Variants in OR14A16 observed in about 807,000 individuals in gnomAD.
OR14A16 encodes olfactory receptor family 14 subfamily A member 16, also known as olfactory receptor 14A16.
For missense variants in OR14A16, 341 were observed against 366.5 expected (o/e 0.93, Z 0.57); for synonymous variants, 135 against 137.6 (o/e 0.98, Z 0.13).
intron 1 of OR14A16, among the ~76,000 whole-genome samples, chr1:247,822,671 T>C (rs575864173): frequency 7.0e-4 from 107 of 152,326 alleles, no homozygotes; most frequent in African/African-American, 2.5e-3. Context: ...ATATATCCTA[T>C]TGGTTATGCT....
At chr1:247,816,942 C>A (rs1216804601) in intron 2 of OR14A16, among the ~76,000 whole-genome samples, 2 of 152,002 alleles carry the variant, frequency 1.3e-5, no homozygotes, top group Non-Finnish European at 2.9e-5. Context: ...GTTTTTATGT[C>A]CACTGCTTTC....
At chr1:247,821,973 G>T (rs1410779174) in intron 1 of OR14A16, among the ~76,000 whole-genome samples, 1 of 151,924 alleles carries the variant, frequency 6.6e-6, no homozygotes, top group African/African-American at 2.4e-5. Flanking sequence ...CTTATAACAG[G>T]CTATTTTAAG....
intron 2 of OR14A16, among the ~76,000 whole-genome samples, chr1:247,816,120 C>T (rs1403643204): frequency 6.6e-6 from 1 of 152,192 alleles, no homozygotes; most frequent in Non-Finnish European, 1.5e-5. Flanking sequence ...ATGGCTACTA[C>T]ATTGTACCAT....
At chr1:247,821,401 C>T (rs1662738229) in intron 1 of OR14A16, among the ~76,000 whole-genome samples, 1 of 152,156 alleles carries the variant, frequency 6.6e-6, no homozygotes, top group Non-Finnish European at 1.5e-5. Context: ...CACTATCTCT[C>T]TTTTCAGATA....
rs1261731191 is a variant in OR14A16, at chr1:247,815,047, G to A, written c.683C>T (p.Ser228Phe). The A allele has an allele frequency of 6.2e-7, 1 of 1,613,690 alleles. No homozygotes were observed. The highest frequency in any genetic ancestry group is 8.5e-7 in the Non-Finnish European group (1 of 1,179,626). The part of the protein sequence containing the change: ...HVFSTVKKIP[S>F]TEGQSKAYSI... ...GTAGGCTTTTGACTGGCCTTCTGTG[G>A]AAGGGATCTTCTTGACTGTAGAGAA... The change falls in exon 3 of 3, where the codon TCC becomes TTC. Residue 228 changes from serine (S) to phenylalanine (F), a missense_variant. Physicochemically the swap from Ser to Phe is radical, Grantham distance 155. Coordinates refer to ENST00000641093, the MANE Select transcript of OR14A16 (RefSeq NM_001001966.2).
chr1:247,820,319 T>C (rs1376483791), intron 1 of OR14A16, among the ~76,000 whole-genome samples: 1 of 152,142 alleles, frequency 6.6e-6, no homozygotes, highest in African/African-American at 2.4e-5. Flanking sequence ...TCTTTAAAGA[T>C]TTGATAGAAT....
In OR14A16 at chr1:247,815,018, T is replaced by G. The variant is rs745335329; in HGVS notation, c.712A>C (p.Ile238Leu). ...STEGQSKAYS[I>L]CLPHLLVVLF... ...ACAACCAGCAAGTGTGGAAGGCAAATAGAGTAGGCTTTTGACTGGCCTTCT... is the reference window on the plus strand; with the variant it reads ...ACAACCAGCAAGTGTGGAAGGCAAAGAGAGTAGGCTTTTGACTGGCCTTCT... Residue 238 changes from isoleucine to leucine, a missense_variant, in exon 3 of 3, where the codon ATT becomes CTT. Physicochemically the swap from Ile to Leu is conservative, Grantham distance 5 (BLOSUM62 2). Transcript: ENST00000641093. The G allele has an allele frequency of 2.5e-6, 4 of 1,613,668 alleles. No homozygotes were observed. The South Asian group carries it at 3.3e-5, about 13-fold the overall frequency.
At position 247,815,666 on chromosome 1, in the gene OR14A16, A is replaced by G; in HGVS notation, c.64T>C (p.Cys22Arg). 4 of 1,611,450 alleles carry G rather than the reference A, an allele frequency of 2.5e-6. No homozygotes were observed. The highest frequency in any genetic ancestry group is 3.4e-6 in the Non-Finnish European group (4 of 1,177,810). Reference sequence around the variant, plus strand: ...AAGAAGAGAATCGAATGCAAAATGCACATATTTTTATTGGTAGAAAACCCC... The same window carrying G: ...AAGAAGAGAATCGAATGCAAAATGCGCATATTTTTATTGGTAGAAAACCCC... ...LMGFSTNKNM[C>R]ILHSILFLLI... Residue 22 changes from cysteine (C) to arginine (R), a missense_variant, in exon 3 of 3, where the codon TGC becomes CGC. Physicochemically the swap from Cys to Arg is radical, Grantham distance 180. Transcript: ENST00000641093.
intron 1 of OR14A16, among the ~76,000 whole-genome samples, chr1:247,819,565 ATTTAT>A (rs1172097422): frequency 2.0e-5 from 3 of 152,136 alleles, no homozygotes; most frequent in African/African-American, 7.2e-5. Context: ...CTTATTATCT[ATTTAT>A]TTTATTGTAT....
Position 247,815,286 on chromosome 1 carries a change from C to T in OR14A16, c.444G>A (p.Leu148=). The T allele has an allele frequency of 6.2e-7, 1 of 1,614,104 alleles. No homozygotes were observed. The highest frequency in any genetic ancestry group is 2.2e-5 in the East Asian group (1 of 44,890). Residue 148 remains leucine (L), a synonymous_variant, in exon 3 of 3, where the codon CTG becomes CTA. Coordinates refer to ENST00000641093, the MANE Select transcript of OR14A16 (RefSeq NM_001001966.2). ...GCATCACAGCAATCAGACCCCCATA[C>T]AGCCAAGACACAGTGGCTCTTTGGA... ...TCVQRATVSW[L]YGGLIAVMHT...
chr1:247,814,887 G>T lies in OR14A16; in HGVS notation c.843C>A (p.Thr281=). Reference sequence around the variant, plus strand: ...TCAAACTGTATATAATGGGATTAAAGGTTGGGGGCAGCATAGTGTAGAACA... The same window carrying T: ...TCAAACTGTATATAATGGGATTAAATGTTGGGGGCAGCATAGTGTAGAACA... ...ISVFYTMLPP[T]FNPIIYSLRN... Residue 281 remains threonine, a synonymous_variant, in exon 3 of 3, where the codon ACC becomes ACA. Transcript: ENST00000641093. 1 of 1,613,926 alleles carries T rather than the reference G, an allele frequency of 6.2e-7. No homozygotes were observed. The highest frequency in any genetic ancestry group is 8.5e-7 in the Non-Finnish European group (1 of 1,179,934).
At position 247,815,465 on chromosome 1, in the gene OR14A16, A is replaced by G. The variant is rs762792975; in HGVS notation, c.265T>C (p.Ser89Pro). ...SIANSLIHNN[S>P]ISFLGCVSQV... ...GAAACACAGCCAAGGAATGAAATGG[A>G]GTTGTTGTGTATCAAAGAATTGGCG... Residue 89 changes from serine (S) to proline (P), a missense_variant, in exon 3 of 3, where the codon TCC (serine) becomes CCC (proline). Coordinates refer to ENST00000641093, the MANE Select transcript of OR14A16 (RefSeq NM_001001966.2). 2 of 1,614,040 alleles carry G rather than the reference A, an allele frequency of 1.2e-6. No individual in the cohort carries two copies. Among genetic ancestry groups the G allele is most frequent in the East Asian group, 4.5e-5 (2 of 44,884 alleles).
At chr1:247,818,381 G>A (rs892378845) in intron 2 of OR14A16, among the ~76,000 whole-genome samples, 1 of 152,182 alleles carries the variant, frequency 6.6e-6, no homozygotes, top group Non-Finnish European at 1.5e-5. Flanking sequence ...CAATCCCATT[G>A]CTAGGTATAT....
rs1268687790 is a variant in OR14A16, at chr1:247,815,356, C to T, written c.374G>A (p.Cys125Tyr). ...GATGACATCATAGTGCAGAGGGTGA[C>T]ATATAGCAGTATAGCGGTCAAAGGA... ...VMSFDRYTAICHPLHYDVIMD... is the reference protein window; with the variant it reads ...VMSFDRYTAIYHPLHYDVIMD... The change falls in exon 3 of 3, where the codon TGT (cysteine) becomes TAT (tyrosine). Residue 125 changes from cysteine to tyrosine, a missense_variant. Cys to Tyr is a radical substitution (Grantham distance 194, BLOSUM62 -2). Coordinates refer to ENST00000641093, the MANE Select transcript of OR14A16 (RefSeq NM_001001966.2). 2 of 1,613,918 alleles carry T rather than the reference C, an allele frequency of 1.2e-6. No homozygotes were observed. Among genetic ancestry groups the T allele is most frequent in the Middle Eastern group, 1.6e-4 (1 of 6,062 alleles).
At chr1:247,821,866 A>G (rs933194631) in intron 1 of OR14A16, among the ~76,000 whole-genome samples, 1 of 113,974 alleles carries the variant, frequency 8.8e-6, no homozygotes, top group African/African-American at 2.8e-5. Flanking sequence ...GATTTTCTCT[A>G]GTGGTGTGCC....
Position 247,815,531 on chromosome 1 carries a change from AG to A in OR14A16, c.198del (p.Leu67TrpfsTer18). 6.2e-7 allele frequency: 1 copy of A among 1,614,124 alleles called. No homozygotes were observed. Among genetic ancestry groups the A allele is most frequent in the African/African-American group, 1.3e-5 (1 of 75,066 alleles). Reference sequence around the variant, plus strand: ...GTGACTGAAATAAGGCAGAGATCCAAGAAAGATAGATTCTTCAAGAAGAAAT... The same window carrying A: ...GTGACTGAAATAAGGCAGAGATCCAAAAAGATAGATTCTTCAAGAAGAAAT... ...PVYFFLKNLSFLDLCLISVTA... is the reference protein window; with the variant it reads ...PVYFFLKNLSXLDLCLISVTA... On this transcript the variant is annotated frameshift_variant, in exon 3 of 3. Coordinates refer to ENST00000641093, the MANE Select transcript of OR14A16 (RefSeq NM_001001966.2). LOFTEE classifies it low-confidence loss of function (END_TRUNC).
At chr1:247,821,135 AT>A (rs1662730055) in intron 1 of OR14A16, among the ~76,000 whole-genome samples, 2 of 152,250 alleles carry the variant, frequency 1.3e-5, no homozygotes, top group African/African-American at 4.8e-5. Flanking sequence ...ACTTGATATG[AT>A]TTCATTCATC....
chr1:247,815,164 T>C lies in OR14A16; in HGVS notation c.566A>G (p.Glu189Gly). The C allele has an allele frequency of 6.2e-7, 1 of 1,613,668 alleles. No individual in the cohort carries two copies. Among genetic ancestry groups the C allele is most frequent in the African/African-American group, 1.3e-5 (1 of 75,012 alleles). ...IPQLLAISCS[E>G]NLIREIALIL... ...GAGTGCAATTTCTCTTATTAAATTT[T>C]CTGAGCAAGAAATAGCTAATAACTG... Residue 189 changes from glutamate (E) to glycine (G), a missense_variant, in exon 3 of 3, where the codon GAA becomes GGA. Physicochemically the swap from Glu to Gly is moderately conservative, Grantham distance 98. Coordinates refer to ENST00000641093, the MANE Select transcript of OR14A16 (RefSeq NM_001001966.2).
At chr1:247,815,801 A>C (rs926398770) in intron 2 of OR14A16, 57 bp from the exon 3 acceptor site, 8 of 686,400 alleles carry the variant, frequency 1.2e-5, no homozygotes, top group Admixed American at 1.1e-4. Context: ...TTAAATATTA[A>C]ATATATATAA....
Sources: allele counts gnomAD v4.1 joint callset (sites outside exome capture counted in the v4.1 genomes callset), GRCh38; gene constraint gnomAD v4.1.1; transcripts MANE v1.5; gene names NCBI Gene and HGNC (gene_info 2026-07-23, HGNC 2026-07-21).